DTNB: variants seen among roughly 807,000 people sequenced by gnomAD.
DTNB encodes the protein dystrobrevin beta.
Under a neutral mutation model 90.7 loss-of-function variants are expected in DTNB, and 63 were observed. The ratio of observed to expected loss-of-function variants is 0.69; its 90% CI spans 0.57 to 0.86. The LOEUF (loss-of-function observed/expected upper bound fraction) is 0.86, where lower values mean the gene tolerates loss of function less well. Among genes scored for constraint, DTNB ranks in the 40% least tolerant of loss-of-function variants. DTNB has a pLI of 0.00. For synonymous variants in DTNB, 277 were observed against 286.7 expected, an observed-to-expected ratio of 0.97 and a Z score of 0.34; for missense variants, 744 against 807.1, an observed-to-expected ratio of 0.92 and a Z score of 0.95.
At chr2:25,476,247 T>A (rs149699757) in intron 10 of DTNB, among the ~76,000 whole-genome samples, 212 of 152,150 alleles carry the variant, frequency 1.4e-3, no homozygotes, top group Non-Finnish European at 1.9e-3. Flanking sequence ...TTTTGTAGTT[T>A]TAGTAGAGGC....
intron 18 of DTNB, chr2:25,386,137 C>CA: frequency 1.0e-6 from 1 of 983,774 alleles, no homozygotes; most frequent in South Asian, 4.7e-5. Flanking sequence ...GTGGCACCAT[C>CA]AAACAAGAGA....
At chr2:25,493,982 G>A (rs1347763957) in intron 9 of DTNB, among the ~76,000 whole-genome samples, 1 of 152,052 alleles carries the variant, frequency 6.6e-6, no homozygotes, top group Non-Finnish European at 1.5e-5. Context: ...ACAAAAACCA[G>A]TACAACAAAA....
chr2:25,596,066 T>C lies in DTNB; in HGVS notation c.603+20A>G, dbSNP rs2064553473. ...GGAAGAGCGCTCTTCTAGCCCTAGA[T>C]TCTATAAAACTGTCCTTACCTGCTG... is the stretch of plus-strand genomic sequence containing the variant. On this transcript the variant is annotated intron_variant, in intron 6 of 20. Transcript: ENST00000406818. 1 of 1,571,072 alleles carries C rather than the reference T, an allele frequency of 6.4e-7. No individual in the cohort carries two copies. Among genetic ancestry groups the C allele is most frequent in the Non-Finnish European group, 8.6e-7 (1 of 1,163,036 alleles).
intron 4 of DTNB, among the ~76,000 whole-genome samples, chr2:25,626,197 G>C (rs918934645): frequency 1.3e-5 from 2 of 152,154 alleles, no homozygotes; most frequent in African/African-American, 4.8e-5. Flanking sequence ...ACCATTTTTA[G>C]ACAGTAAGAT....
intron 13 of DTNB, 56 bp from the exon 14 acceptor site, chr2:25,433,055 C>T (rs41285947): frequency 5.5e-4 from 813 of 1,481,578 alleles, no homozygotes; most frequent in Non-Finnish European, 7.0e-4. Flanking sequence ...CTCACGCTCC[C>T]TCTTTCCCTA....
chr2:25,538,366 C>T (rs2080330313), intron 8 of DTNB, among the ~76,000 whole-genome samples: 1 of 152,210 alleles, frequency 6.6e-6, no homozygotes. Context: ...AATAGTGCCA[C>T]TGTATTCCAG....
intron 3 of DTNB, among the ~76,000 whole-genome samples, chr2:25,638,317 C>T (rs1198948686): frequency 6.6e-6 from 1 of 152,158 alleles, no homozygotes; most frequent in East Asian, 1.9e-4. Flanking sequence ...TGTAACAAAC[C>T]TGCACGTTGT....
At chr2:25,516,178 G>A (rs2075079419) in intron 9 of DTNB, among the ~76,000 whole-genome samples, 1 of 152,130 alleles carries the variant, frequency 6.6e-6, no homozygotes, top group South Asian at 2.1e-4. Flanking sequence ...TATACCAAGT[G>A]CTGATGAGAA....
intron 5 of DTNB, among the ~76,000 whole-genome samples, chr2:25,605,862 G>C (rs2066986141): frequency 6.6e-6 from 1 of 152,030 alleles, no homozygotes; most frequent in African/African-American, 2.4e-5. Context: ...AATATAAAAG[G>C]AATTTCAGCC....
At chr2:25,416,888 T>C (rs758169070) in intron 16 of DTNB, among the ~76,000 whole-genome samples, 1 of 151,976 alleles carries the variant, frequency 6.6e-6, no homozygotes, top group Non-Finnish European at 1.5e-5. Context: ...CTGTGTTAAA[T>C]ACGCCTATGT....
At chr2:25,501,825 TA>T (rs1269721531) in intron 9 of DTNB, among the ~76,000 whole-genome samples, 6 of 152,136 alleles carry the variant, frequency 3.9e-5, no homozygotes, top group Non-Finnish European at 8.8e-5. Context: ...TAAATTAAAT[TA>T]AATAGAAACT....
intron 16 of DTNB, among the ~76,000 whole-genome samples, chr2:25,415,160 C>T (rs987905371): frequency 2.0e-5 from 3 of 152,188 alleles, no homozygotes; most frequent in East Asian, 1.9e-4. Flanking sequence ...TCTCAAGTTT[C>T]CCAAATGCCA....
At chr2:25,397,053 C>A (rs888730675) in intron 16 of DTNB, among the ~76,000 whole-genome samples, 1 of 151,812 alleles carries the variant, frequency 6.6e-6, no homozygotes, top group South Asian at 2.1e-4. Context: ...CCACCTCCCC[C>A]ACCCAAAAAA....
chr2:25,421,177 T>C (rs2049556020), intron 15 of DTNB: 1 of 152,018 alleles, frequency 6.6e-6, no homozygotes, highest in Admixed American at 6.6e-5. Context: ...CTGGGTGCAA[T>C]GGTGAGAAAG....
intron 9 of DTNB, among the ~76,000 whole-genome samples, chr2:25,490,896 G>T (rs758878067): frequency 1.4e-4 from 22 of 151,964 alleles, no homozygotes; most frequent in Admixed American, 3.9e-4. Flanking sequence ...TACATCATAA[G>T]CATAAAATGA....
At chr2:25,642,993 T>C (rs2078670260) in intron 2 of DTNB, among the ~76,000 whole-genome samples, 1 of 151,968 alleles carries the variant, frequency 6.6e-6, no homozygotes, top group African/African-American at 2.4e-5. Context: ...CCTCAAGCAA[T>C]CGTGCCCACC....
At chr2:25,601,502 C>A (rs2065872351) in intron 5 of DTNB, among the ~76,000 whole-genome samples, 1 of 152,200 alleles carries the variant, frequency 6.6e-6, no homozygotes, top group Non-Finnish European at 1.5e-5. Context: ...ACCATCATCA[C>A]ATATGTCTTG....
At chr2:25,563,055 C>A (rs2058496711) in intron 8 of DTNB, among the ~76,000 whole-genome samples, 1 of 152,216 alleles carries the variant, frequency 6.6e-6, no homozygotes, top group Non-Finnish European at 1.5e-5. Context: ...CAGGCATGAG[C>A]CACCATGCCC....
In DTNB at chr2:25,437,176, G is replaced by T. The variant is rs561154879; in HGVS notation, c.1258-3181C>A. 2.0e-5 allele frequency among the ~76,000 whole-genome samples: 3 copies of T among 152,224 alleles called. No homozygotes were observed. In the South Asian group the frequency reaches 6.2e-4, roughly 32 times the overall value. On this transcript the variant is annotated intron_variant, in intron 12 of 20. Transcript: ENST00000406818. ...CCGGCAGGACTCCTCAGTGATGAGT[G>T]TCCAGTGATGGCTTATCTCACTCAA...
Sources: allele counts gnomAD v4.1 joint callset (sites outside exome capture counted in the v4.1 genomes callset), GRCh38; gene constraint gnomAD v4.1.1; transcripts MANE v1.5; gene names NCBI Gene and HGNC (gene_info 2026-07-23, HGNC 2026-07-21).